Variants in ODF1 observed in about 807,000 individuals in gnomAD.
ODF1 encodes the protein outer dense fiber protein 1.
Under a neutral mutation model 24.0 loss-of-function variants are expected in ODF1, and 10 were observed. That is an observed-to-expected ratio of 0.42 (90% CI 0.26 to 0.71). The LOEUF (loss-of-function observed/expected upper bound fraction) is 0.71. Among genes scored for constraint, ODF1 ranks in the 30% least tolerant of loss-of-function variants. ODF1 has a pLI of 0.28. For missense variants in ODF1, 282 were observed against 307.9 expected (o/e 0.92, Z 0.63); for synonymous variants, 118 against 121.3 (o/e 0.97, Z 0.18).
At chr8:102,558,428 T>C (rs1826138383) in intron 1 of ODF1, among the ~76,000 whole-genome samples, 1 of 151,866 alleles carries the variant, frequency 6.6e-6, no homozygotes, top group African/African-American at 2.4e-5. Flanking sequence ...CACTCCAGCC[T>C]GGGCAACAGA....
chr8:102,551,675 TCCCGGAG>T lies in ODF1; in HGVS notation c.-52_-46del. 2 of 1,471,974 alleles carry T rather than the reference TCCCGGAG, an allele frequency of 1.4e-6. No homozygotes were observed. Among genetic ancestry groups the T allele is most frequent in the African/African-American group, 1.4e-5 (1 of 71,322 alleles). 91.2% of individuals were successfully genotyped at this position (1,471,974 alleles called of 1,614,324 possible). ...TGAGAAGGGCTTAGAACAAATTTTT[TCCCGGAG>T]TGCCATTTCCCAAAGGTACTCACAG... is the stretch of plus-strand genomic sequence containing the variant. On this transcript the variant is annotated 5_prime_UTR_variant, in exon 1 of 2. Coordinates refer to ENST00000285402, the MANE Select transcript of ODF1 (RefSeq NM_024410.4).
intron 1 of ODF1, among the ~76,000 whole-genome samples, chr8:102,553,127 C>T (rs538835872): frequency 7.8e-4 from 116 of 148,342 alleles, no homozygotes; most frequent in African/African-American, 2.6e-3. Context: ...CTTTGGGAGG[C>T]GGAGGCGGGC....
chr8:102,560,935 C>T lies in ODF1; in HGVS notation c.*51C>T. The stretch of plus-strand genomic sequence containing the variant: ...ATAGAAGTCAGTTACTCCAGCCAGG[C>T]AGCTCTCCCAATGTTTCTCCTCTCC... On this transcript the variant is annotated 3_prime_UTR_variant, in exon 2 of 2. Transcript: ENST00000285402. 1 of 1,506,092 alleles carries T rather than the reference C, an allele frequency of 6.6e-7. No homozygotes were observed. The allele number at this position is 1,506,092 out of a possible 1,614,324, so 93.3% of individuals were successfully genotyped here.
intron 1 of ODF1, among the ~76,000 whole-genome samples, chr8:102,554,621 G>A (rs1361655150): frequency 3.3e-5 from 5 of 152,138 alleles, no homozygotes; most frequent in Non-Finnish European, 5.9e-5. Context: ...TTATTTGATT[G>A]ATGCATGTGT....
rs760760817 is a variant in ODF1 at position 102,560,856 on chromosome 8, G to T, written c.725G>T (p.Arg242Leu). Residue 242 changes from arginine (R) to leucine (L), a missense_variant, in exon 2 of 2, where the codon CGA becomes CTA. By Grantham distance (102) the Arg-to-Leu change is moderately radical. Coordinates refer to ENST00000285402, the MANE Select transcript of ODF1 (RefSeq NM_024410.4). ...PCNPCYPCGSRFSCRKMIL is the reference protein window; with the variant it reads ...PCNPCYPCGSLFSCRKMIL Reference sequence around the variant, plus strand: ...AACCCGTGTTATCCCTGTGGAAGCCGATTTTCCTGTAGGAAGATGATTTTG... The same window carrying T: ...AACCCGTGTTATCCCTGTGGAAGCCTATTTTCCTGTAGGAAGATGATTTTG... 5.0e-6 allele frequency: 8 copies of T among 1,612,030 alleles called. No individual in the cohort carries two copies. Among genetic ancestry groups the T allele is most frequent in the South Asian group, 1.1e-5 (1 of 90,922 alleles).
intron 1 of ODF1, among the ~76,000 whole-genome samples, chr8:102,559,099 A>G (rs1276681076): frequency 6.6e-6 from 1 of 151,042 alleles, no homozygotes; most frequent in Non-Finnish European, 1.5e-5. Flanking sequence ...TGTGCCAAGT[A>G]TTATTGTAAA....
At chr8:102,556,255 C>T (rs576297857) in intron 1 of ODF1, among the ~76,000 whole-genome samples, 23 of 152,266 alleles carry the variant, frequency 1.5e-4, no homozygotes, top group Non-Finnish European at 3.2e-4. Flanking sequence ...GTCTGGAATC[C>T]GTGAGCTTAA....
chr8:102,552,684 G>C (rs895490820), intron 1 of ODF1, among the ~76,000 whole-genome samples: 1 of 152,028 alleles, frequency 6.6e-6, no homozygotes, highest in East Asian at 1.9e-4. Flanking sequence ...GACTTGAAAG[G>C]CTTTTTAATT....
intron 1 of ODF1, among the ~76,000 whole-genome samples, chr8:102,552,385 G>A (rs1826052492): frequency 6.6e-6 from 1 of 152,034 alleles, no homozygotes; most frequent in Admixed American, 6.6e-5. Context: ...ATTTTTCCTG[G>A]TTATGAGTAA....
At chr8:102,552,196 A>C (rs998950881) in intron 1 of ODF1, 149 bp downstream of exon 1, 14 of 591,696 alleles carry the variant, frequency 2.4e-5, no homozygotes, top group Non-Finnish European at 3.7e-5. Flanking sequence ...TTAAGGAAAG[A>C]AGAGTAAATG....
At position 102,560,796 on chromosome 8, in the gene ODF1, G is replaced by A. The variant is rs111689913; in HGVS notation, c.665G>A (p.Ser222Asn). ...CCCTGCAGCCCCTGCAACCCCTGCA[G>A]CCCCTGCAACCCGTGCAGCCCATAT... Reference protein sequence around the residue: ...CSPCSPCNPCSPCNPCSPYDP... With the variant: ...CSPCSPCNPCNPCNPCSPYDP... The change falls in exon 2 of 2, where the codon AGC becomes AAC. Residue 222 changes from serine to asparagine, a missense_variant. Physicochemically the swap from Ser to Asn is conservative, Grantham distance 46 (BLOSUM62 1). Transcript: ENST00000285402. 1.9e-4 allele frequency: 165 copies of A among 866,702 alleles called. No individual in the cohort carries two copies. In the African/African-American group the frequency reaches 4.4e-3, roughly 23 times the overall value. The allele number at this position is 866,702 out of a possible 1,614,324, so 53.7% of individuals were successfully genotyped here.
intron 1 of ODF1, 47 bp from the exon 2 acceptor site, chr8:102,560,405 T>G (rs1319576846): frequency 2.6e-6 from 4 of 1,553,800 alleles, no homozygotes; most frequent in Non-Finnish European, 3.5e-6. Context: ...GTGTCTGGAT[T>G]CTGAGGTCTG....
chr8:102,553,614 A>G (rs1322138774), intron 1 of ODF1, among the ~76,000 whole-genome samples: 1 of 151,736 alleles, frequency 6.6e-6, no homozygotes. Flanking sequence ...ATCAGTATCC[A>G]CTCTCCTCCT....
chr8:102,553,224 A>T (rs930856908), intron 1 of ODF1, among the ~76,000 whole-genome samples: 1 of 150,722 alleles, frequency 6.6e-6, no homozygotes, highest in Non-Finnish European at 1.5e-5. Context: ...AAAAAAAAAA[A>T]AAATTAGCCA....
At chr8:102,560,122 G>A (rs2131032661) in intron 1 of ODF1, among the ~76,000 whole-genome samples, 1 of 151,302 alleles carries the variant, frequency 6.6e-6, no homozygotes, top group East Asian at 1.9e-4. Flanking sequence ...TCTCCATTTT[G>A]CAGATGAGGA....
At chr8:102,553,776 A>G (rs1826078086) in intron 1 of ODF1, among the ~76,000 whole-genome samples, 1 of 152,212 alleles carries the variant, frequency 6.6e-6, no homozygotes, top group Non-Finnish European at 1.5e-5. Flanking sequence ...GTTTCTTGGC[A>G]TGCAGTAGAA....
At chr8:102,555,161 G>A (rs972480059) in intron 1 of ODF1, among the ~76,000 whole-genome samples, 1 of 152,088 alleles carries the variant, frequency 6.6e-6, no homozygotes, top group African/African-American at 2.4e-5. Context: ...TCTGGATTTA[G>A]AGGGGCTGAG....
chr8:102,554,171 C>T (rs1382233164), intron 1 of ODF1, among the ~76,000 whole-genome samples: 1 of 152,164 alleles, frequency 6.6e-6, no homozygotes, highest in Non-Finnish European at 1.5e-5. Context: ...CCAGAAGGCC[C>T]CCAGTGTAGT....
chr8:102,559,303 G>A (rs74921401), intron 1 of ODF1, among the ~76,000 whole-genome samples: 3,223 of 151,372 alleles, frequency 0.021, 237 homozygotes, highest in African/African-American at 0.075. Context: ...ACCTCTTGAC[G>A]GATCATAACT....
Sources: allele counts gnomAD v4.1 joint callset (sites outside exome capture counted in the v4.1 genomes callset), GRCh38; gene constraint gnomAD v4.1.1; transcripts MANE v1.5; gene names NCBI Gene and HGNC (gene_info 2026-07-23, HGNC 2026-07-21).